ZDHHC11B: variants seen among roughly 807,000 people sequenced by gnomAD.
ZDHHC11B encodes zDHHC palmitoyltransferase 11B (putative).
Under a neutral mutation model 42.3 loss-of-function variants are expected in ZDHHC11B, and 17 were observed. The observed-to-expected ratio is 0.40, with a 90% CI of 0.27 to 0.60. The LOEUF is 0.60. ZDHHC11B is among the 20% of genes least tolerant of loss of function. ZDHHC11B has a pLI of 0.41. For synonymous variants in ZDHHC11B, 123 were observed against 193.5 expected, an observed-to-expected ratio of 0.64 and a Z score of 3.02; for missense variants, 262 against 463.2, an observed-to-expected ratio of 0.57 and a Z score of 3.99.
chr5:716,736 T>A, intron 13 of ZDHHC11B, 65 bp downstream of exon 13: 1 of 1,601,078 alleles, frequency 6.2e-7, no homozygotes, highest in Non-Finnish European at 8.5e-7. Flanking sequence ...AAAGAAGATA[T>A]TTCACTCTCT....
At chr5:773,598 G>A (rs1262791279) in intron 1 of ZDHHC11B, among the ~76,000 whole-genome samples, 3 of 151,966 alleles carry the variant, frequency 2.0e-5, no homozygotes, top group East Asian at 3.9e-4. Flanking sequence ...TTGCATCCAG[G>A]TGTGCACCTG....
At chr5:719,268 A>G (rs1422242831) in intron 12 of ZDHHC11B, among the ~76,000 whole-genome samples, 3 of 151,686 alleles carry the variant, frequency 2.0e-5, no homozygotes, top group Admixed American at 2.0e-4. Flanking sequence ...AAAAGAACAT[A>G]TAAAGAAATA....
At chr5:715,582 C>A in intron 13 of ZDHHC11B, among the ~76,000 whole-genome samples, 1 of 151,590 alleles carries the variant, frequency 6.6e-6, no homozygotes, top group East Asian at 1.9e-4. Context: ...CCCCTTCAAT[C>A]TCAGTGGATT....
chr5:775,395 G>A lies in ZDHHC11B; in HGVS notation c.-229-6465C>T, dbSNP rs1046214725. Reference sequence around the variant, plus strand: ...CCCTCGCACCCGATGGCCTCATGCAGGCACAGCCTGAGGGAGAACCTGTCT... The same window carrying A: ...CCCTCGCACCCGATGGCCTCATGCAAGCACAGCCTGAGGGAGAACCTGTCT... On this transcript the variant is annotated intron_variant, in intron 1 of 13. Coordinates refer to ENST00000508859, the MANE Select transcript of ZDHHC11B (RefSeq NM_001351303.2). 5.9e-5 allele frequency among the ~76,000 whole-genome samples: 9 copies of A among 152,086 alleles called. No homozygotes were observed. The East Asian group carries it at 1.7e-3, about 29-fold the overall frequency.
intron 8 of ZDHHC11B, among the ~76,000 whole-genome samples, chr5:746,720 C>T (rs1341524678): frequency 4.0e-5 from 6 of 150,524 alleles, no homozygotes; most frequent in African/African-American, 1.5e-4. Context: ...CCGCAGCGTG[C>T]AGGTGACCAT....
At chr5:759,602 G>C (rs1469289583) in intron 4 of ZDHHC11B, among the ~76,000 whole-genome samples, 1 of 151,946 alleles carries the variant, frequency 6.6e-6, no homozygotes, top group Non-Finnish European at 1.5e-5. Flanking sequence ...GGCGGAGCCT[G>C]TTTCCCTTTG....
intron 7 of ZDHHC11B, among the ~76,000 whole-genome samples, chr5:748,917 GC>G (rs1561150246): frequency 7.4e-5 from 8 of 108,786 alleles, no homozygotes; most frequent in Admixed American, 1.1e-4. Flanking sequence ...TGGGGTCACA[GC>G]GCCCACCCCT....
At position 744,509 on chromosome 5, in the gene ZDHHC11B, T is replaced by C. The variant is rs1358268020; in HGVS notation, c.900+674A>G. ...CTGTTCTATGTCTATTTAGACTTTC[T>C]ATGTCTTCTTGAGTTAGTTATAATA... On this transcript the variant is annotated intron_variant, in intron 9 of 13. Transcript: ENST00000508859. Among the ~76,000 whole-genome samples, 83 of 149,252 alleles carry C rather than the reference T, an allele frequency of 5.6e-4. 4 individuals are homozygous for C. The highest frequency in any genetic ancestry group is 1.9e-3 in the African/African-American group (76 of 40,684).
intron 4 of ZDHHC11B, among the ~76,000 whole-genome samples, chr5:756,879 CCCAGACTCATTCAGGGACT>C (rs1305856511): frequency 6.6e-6 from 1 of 151,582 alleles, no homozygotes; most frequent in Non-Finnish European, 1.5e-5. Context: ...ATTCAGGGAC[CCCAGACTCATTCAGGGACT>C]CCAGACTCTC....
intron 1 of ZDHHC11B, among the ~76,000 whole-genome samples, chr5:777,987 C>G (rs534145337): frequency 2.0e-5 from 3 of 151,872 alleles, no homozygotes; most frequent in Non-Finnish European, 4.4e-5. Flanking sequence ...GGCTGAGGCC[C>G]CGCGAGAATT....
intron 1 of ZDHHC11B, among the ~76,000 whole-genome samples, chr5:780,212 G>C (rs1342234913): frequency 6.6e-6 from 1 of 151,228 alleles, no homozygotes; most frequent in Admixed American, 6.6e-5. Context: ...AGACACACTA[G>C]ATCCCAGACT....
intron 8 of ZDHHC11B, 89 bp downstream of exon 8, chr5:748,315 G>C: frequency 1.1e-6 from 1 of 934,504 alleles, no homozygotes; most frequent in Non-Finnish European, 1.5e-6. Context: ...GGGGCTCAGG[G>C]TTAGGGACAT....
chr5:730,076 G>A (rs1742900823), intron 12 of ZDHHC11B, among the ~76,000 whole-genome samples: 2 of 151,542 alleles, frequency 1.3e-5, no homozygotes, highest in African/African-American at 4.9e-5. Context: ...TGTCATCAGT[G>A]GATGTATTTA....
chr5:777,905 C>T (rs761007465), intron 1 of ZDHHC11B, among the ~76,000 whole-genome samples: 2 of 151,172 alleles, frequency 1.3e-5, no homozygotes, highest in African/African-American at 4.8e-5. Flanking sequence ...CGAGGGAGCC[C>T]GGGGCGGGGG....
intron 9 of ZDHHC11B, among the ~76,000 whole-genome samples, chr5:744,034 A>G (rs1744462689): frequency 6.7e-6 from 1 of 149,926 alleles, no homozygotes; most frequent in African/African-American, 2.5e-5. Flanking sequence ...GTTAAAAATC[A>G]TGAATGGGAA....
intron 1 of ZDHHC11B, among the ~76,000 whole-genome samples, chr5:783,280 C>A (rs1296551160): frequency 6.6e-6 from 1 of 152,262 alleles, no homozygotes; most frequent in African/African-American, 2.4e-5. Context: ...GGCGCTGGCA[C>A]CGAGCGGCTG....
intron 12 of ZDHHC11B, among the ~76,000 whole-genome samples, chr5:719,564 G>A (rs1276463809): frequency 8.6e-5 from 13 of 150,866 alleles, no homozygotes; most frequent in Admixed American, 8.6e-4. Context: ...CAACAGATCT[G>A]AGCAAGCAGA....
intron 13 of ZDHHC11B, among the ~76,000 whole-genome samples, chr5:714,009 T>C (rs1233260884): frequency 1.4e-5 from 2 of 140,478 alleles, no homozygotes; most frequent in Non-Finnish European, 3.2e-5. Flanking sequence ...CTCTTTGGGT[T>C]CCTCTGTGCC....
In ZDHHC11B at chr5:729,077, G is replaced by C. The variant is rs1294465650; in HGVS notation, c.1058+1357C>G. Among the ~76,000 whole-genome samples the C allele has an allele frequency of 4.9e-4, 75 of 151,574 alleles. 1 individual carries two copies. Among genetic ancestry groups the C allele is most frequent in the African/African-American group, 1.7e-3 (69 of 41,280 alleles). ...TGGGTTGGGAGGATGAGGCCAGCTG[G>C]GTGCACTCATCTGTGAGGGGGAGAC... On this transcript the variant is annotated intron_variant, in intron 12 of 13. Coordinates refer to ENST00000508859, the MANE Select transcript of ZDHHC11B (RefSeq NM_001351303.2).
Sources: allele counts gnomAD v4.1 joint callset (sites outside exome capture counted in the v4.1 genomes callset), GRCh38; gene constraint gnomAD v4.1.1; transcripts MANE v1.5; gene names NCBI Gene and HGNC (gene_info 2026-07-23, HGNC 2026-07-21).